Variants in CHST15 observed in about 807,000 individuals in gnomAD.
CHST15 encodes B cell RAG associated protein (GALNAC4S-6ST).
A neutral mutation model predicts 53.6 loss-of-function variants in CHST15; 30 were observed. The ratio of observed to expected loss-of-function variants is 0.56; its 90% CI spans 0.42 to 0.76. CHST15 has a LOEUF of 0.76. Among genes scored for constraint, CHST15 ranks in the 30% least tolerant of loss-of-function variants. CHST15 has a pLI of 0.00. For synonymous variants in CHST15, 296 were observed against 289.8 expected, an observed-to-expected ratio of 1.02 and a Z score of -0.22; for missense variants, 627 against 740.5, an observed-to-expected ratio of 0.85 and a Z score of 1.78.
At position 124,020,254 on chromosome 10, in the gene CHST15, G is replaced by A. The variant is rs368652515; in HGVS notation, c.1347+1002C>T. 5.1e-6 allele frequency: 5 copies of A among 985,420 alleles called. No homozygotes were observed. The East Asian group carries it at 4.5e-4, about 89-fold the overall frequency. The allele number at this position is 985,420 out of a possible 1,614,324, so 61.0% of individuals were successfully genotyped here. On this transcript the variant is annotated intron_variant, in intron 6 of 7. Coordinates refer to ENST00000435907, the MANE Select transcript of CHST15 (RefSeq NM_001270764.2). ...GACAAAGCAACTGAGTCTCAGAAAG[G>A]CTGAGACAACTGCCTAGAGTCACAG...
chr10:124,060,826 CG>C (rs1430690545), intron 1 of CHST15, among the ~76,000 whole-genome samples: 1 of 152,174 alleles, frequency 6.6e-6, no homozygotes, highest in Non-Finnish European at 1.5e-5. Flanking sequence ...TGCAAGCTGT[CG>C]GGGCCAGCCT....
In CHST15 at chr10:124,046,022, C is replaced by T. The variant is rs754349422; in HGVS notation, c.191G>A (p.Gly64Glu). 78 of 1,614,040 alleles carry T rather than the reference C, an allele frequency of 4.8e-5. No homozygotes were observed. The highest frequency in any genetic ancestry group is 6.4e-5 in the Non-Finnish European group (76 of 1,180,044). ...CAAAAACCCACCCCAGTTTTCGTTC[C>T]CTTCAGTCCTCACTTCGAGAACAGC... ...LLAVLEVRTEGNENWGGFLRF... is the reference protein window; with the variant it reads ...LLAVLEVRTEENENWGGFLRF... Residue 64 changes from glycine (G) to glutamate (E), a missense_variant, in exon 2 of 8, where the codon GGG becomes GAG. Transcript: ENST00000435907.
At position 124,021,296 on chromosome 10, in the gene CHST15, C is replaced by T. The variant is rs768345051; in HGVS notation, c.1307G>A (p.Arg436His). 2.9e-5 allele frequency: 47 copies of T among 1,612,774 alleles called. No homozygotes were observed. The highest frequency in any genetic ancestry group is 1.7e-4 in the African/African-American group (13 of 74,598). The change falls in exon 6 of 8, where the codon CGC becomes CAC. Residue 436 changes from arginine to histidine, a missense_variant. Physicochemically the swap from Arg to His is conservative, Grantham distance 29. Transcript: ENST00000435907. ...FENCMLDYSL[R>H]ACVYNNTLNN... Reference sequence around the variant, plus strand: ...GAGGGTGTTGTTGTAGACGCAGGCGCGCAGTGAATAATCAAGCATGCAATT... The same window carrying T: ...GAGGGTGTTGTTGTAGACGCAGGCGTGCAGTGAATAATCAAGCATGCAATT...
intron 1 of CHST15, among the ~76,000 whole-genome samples, chr10:124,068,211 C>T (rs554137292): frequency 4.5e-4 from 69 of 152,176 alleles, no homozygotes; most frequent in African/African-American, 1.6e-3. Context: ...GCTGACCACT[C>T]GGGAGCAGAG....
intron 1 of CHST15, among the ~76,000 whole-genome samples, chr10:124,052,340 T>C (rs974557417): frequency 6.6e-5 from 10 of 152,246 alleles, no homozygotes; most frequent in Admixed American, 6.5e-5. Flanking sequence ...TTCAGTCTTC[T>C]ATCTGGACTT....
chr10:124,038,608 G>A lies in CHST15; in HGVS notation c.1097C>T (p.Thr366Met), dbSNP rs78587239. The stretch of plus-strand genomic sequence containing the variant: ...CGTCAGAAACGGTGGCTCGCCATCC[G>A]TGCTGTTGTCGTAGAAGAACGTCCA... The part of the protein sequence containing the change: ...NAWTFFYDNS[T>M]DGEPPFLTQD... Residue 366 changes from threonine (T) to methionine (M), a missense_variant, in exon 5 of 8, where the codon ACG (threonine) becomes ATG (methionine). Thr to Met is a moderately conservative substitution (Grantham distance 81, BLOSUM62 -1). This residue lies in a region of CHST15 where 279 missense variants were observed against 371.6 expected (regional missense o/e 0.75). Transcript: ENST00000435907. 127 of 1,614,156 alleles carry A rather than the reference G, an allele frequency of 7.9e-5. No homozygotes were observed. In the African/African-American group the frequency reaches 9.5e-4, roughly 12 times the overall value.
chr10:124,035,297 T>A (rs111515742), intron 5 of CHST15, among the ~76,000 whole-genome samples: 1 of 93,408 alleles, frequency 1.1e-5, no homozygotes, highest in Non-Finnish European at 2.2e-5. Flanking sequence ...CTACCCCTGA[T>A]AGGTACCCCG....
In CHST15 at chr10:124,044,737, C is replaced by A; in HGVS notation, c.729G>T (p.Ala243=). 2 of 1,613,284 alleles carry A rather than the reference C, an allele frequency of 1.2e-6. No homozygotes were observed. The highest frequency in any genetic ancestry group is 8.5e-7 in the Non-Finnish European group (1 of 1,179,684). The change falls in exon 3 of 8, where the codon GCG becomes GCT. Residue 243 remains alanine, a synonymous_variant. Coordinates refer to ENST00000435907, the MANE Select transcript of CHST15 (RefSeq NM_001270764.2). ...AGCGCAGGCGGAAGTGCTTCCCGTG[C>A]GCGTGCGCCAGGTGGCCCCAGAAGG... ...RKAFWGHLAH[A]HGKHFRLRCL...
rs774519865 is a variant in CHST15 at position 124,010,226 on chromosome 10, G to T, written c.1609C>A (p.Arg537=). The change falls in exon 8 of 8, where the codon CGG becomes AGG. Residue 537 remains arginine, a synonymous_variant. Transcript: ENST00000435907. ...PMWPITQKIL[R]DFYRPFNARL... ...GCGTTGAAGGGCCTGTAGAAATCCC[G>T]CAGAATCTTCTGTGTGATGGGCCAC... 6.2e-7 allele frequency: 1 copy of T among 1,614,132 alleles called. No homozygotes were observed. The highest frequency in any genetic ancestry group is 2.2e-5 in the East Asian group (1 of 44,882).
chr10:124,063,799 CA>C (rs1408938241), intron 1 of CHST15, among the ~76,000 whole-genome samples: 1 of 152,206 alleles, frequency 6.6e-6, no homozygotes, highest in Non-Finnish European at 1.5e-5. Context: ...CTCATCCTGT[CA>C]AGAAGCAGGG....
In CHST15 at chr10:124,084,322, T is replaced by C. The variant is rs1267631037; in HGVS notation, c.-513+9147A>G. 7.9e-5 allele frequency among the ~76,000 whole-genome samples: 12 copies of C among 152,094 alleles called. No individual in the cohort carries two copies. In the East Asian group the frequency reaches 1.9e-3, roughly 25 times the overall value. ...ATCCTGTGATGAGACAAGAGGGAGG[T>C]TGCCAGTTGGGGGCCCACCTGCATT... On this transcript the variant is annotated intron_variant, in intron 1 of 7. Transcript: ENST00000435907.
intron 5 of CHST15, among the ~76,000 whole-genome samples, chr10:124,029,725 G>C (rs1564862840): frequency 1.3e-5 from 2 of 152,244 alleles, no homozygotes; most frequent in Non-Finnish European, 2.9e-5. Flanking sequence ...CAGGCGCAGG[G>C]TGTGGGCCCC....
At position 124,009,487 on chromosome 10, in the gene CHST15, C is replaced by T. The variant is rs1015802341; in HGVS notation, c.*662G>A. On this transcript the variant is annotated 3_prime_UTR_variant, in exon 8 of 8. Coordinates refer to ENST00000435907, the MANE Select transcript of CHST15 (RefSeq NM_001270764.2). ...ATTTTTTTCCTTTTGGAAACAGTGA[C>T]GTTAACAGGGTTTACATCTGAAGAA... is the stretch of plus-strand genomic sequence containing the variant. The T allele has an allele frequency of 2.2e-5, 22 of 988,524 alleles. No homozygotes were observed. Among genetic ancestry groups the T allele is most frequent in the South Asian group, 9.3e-5 (2 of 21,616 alleles). 61.2% of individuals were successfully genotyped at this position (988,524 alleles called of 1,614,324 possible). A position where few individuals can be genotyped will look rare whatever the true frequency, so the allele number is the denominator to read the frequency against.
chr10:124,009,299 T>C lies in CHST15; in HGVS notation c.*850A>G, dbSNP rs1012448976. The C allele has an allele frequency of 1.7e-5, 19 of 1,092,592 alleles. No individual in the cohort carries two copies. The African/African-American group carries it at 3.1e-4, about 18-fold the overall frequency. 67.7% of individuals were successfully genotyped at this position (1,092,592 alleles called of 1,614,324 possible). On this transcript the variant is annotated 3_prime_UTR_variant, in exon 8 of 8. Coordinates refer to ENST00000435907, the MANE Select transcript of CHST15 (RefSeq NM_001270764.2). ...TTCTCTTCCAATTATAAACTGAAGT[T>C]CTTGAGAAAACGTATGAAGAGGCAG... is the stretch of plus-strand genomic sequence containing the variant.
chr10:124,052,726 G>A (rs1948242033), intron 1 of CHST15, among the ~76,000 whole-genome samples: 1 of 152,182 alleles, frequency 6.6e-6, no homozygotes, highest in Admixed American at 6.5e-5. Flanking sequence ...ACTCATTCAT[G>A]TAAGGTGCTT....
intron 1 of CHST15, among the ~76,000 whole-genome samples, chr10:124,056,748 G>C (rs1948394878): frequency 6.6e-6 from 1 of 152,186 alleles, no homozygotes; most frequent in South Asian, 2.1e-4. Context: ...TGTGCAGTTG[G>C]ACACGCTGCG....
chr10:124,029,009 TCAA>T lies in CHST15; in HGVS notation c.1191-7600_1191-7598del, dbSNP rs1339817345. 5.3e-5 allele frequency among the ~76,000 whole-genome samples: 8 copies of T among 152,086 alleles called. No individual in the cohort carries two copies. In the East Asian group the frequency reaches 9.7e-4, roughly 18 times the overall value. On this transcript the variant is annotated intron_variant, in intron 5 of 7. Transcript: ENST00000435907. ...CACACTCATGTCCTCCAATTCACCC[TCAA>T]CAACATCTTGCAGTGCTGTGGCCAC...
Position 124,085,934 on chromosome 10 carries a change from A to G in CHST15, c.-513+7535T>C, listed in dbSNP as rs542510946. On this transcript the variant is annotated intron_variant, in intron 1 of 7. Coordinates refer to ENST00000435907, the MANE Select transcript of CHST15 (RefSeq NM_001270764.2). ...GGGGGACCCAAGTGTAGCCAGGTCC[A>G]GGCCCGGCTGGCCAGGCGTCTCGTT... 6.6e-5 allele frequency among the ~76,000 whole-genome samples: 10 copies of G among 152,294 alleles called. No homozygotes were observed. In the East Asian group the frequency reaches 1.9e-3, roughly 29 times the overall value.
intron 2 of CHST15, among the ~76,000 whole-genome samples, chr10:124,045,130 A>AAAAAAAC (rs1947937641): frequency 2.0e-5 from 3 of 148,900 alleles, no homozygotes; most frequent in African/African-American, 7.4e-5. Flanking sequence ...AAAAAAAAAA[A>AAAAAAAC]AAAAAAAAAA....
Sources: allele counts gnomAD v4.1 joint callset (sites outside exome capture counted in the v4.1 genomes callset), GRCh38; gene constraint gnomAD v4.1.1; regional missense constraint gnomAD v4.1.1; transcripts MANE v1.5; gene names NCBI Gene and HGNC (gene_info 2026-07-23, HGNC 2026-07-21).